Variants in TMEM63A observed in about 807,000 individuals in gnomAD.
TMEM63A encodes transmembrane protein 63A.
A neutral mutation model predicts 100.6 loss-of-function variants in TMEM63A; 76 were observed. The ratio of observed to expected loss-of-function variants is 0.76; its 90% CI spans 0.63 to 0.91. The LOEUF (loss-of-function observed/expected upper bound fraction) is 0.91. TMEM63A is among the 40% of genes least tolerant of loss of function. The probability of loss-of-function intolerance (pLI) is 0.00; values close to 1 mark genes in which losing one functional copy is unlikely to be tolerated. For synonymous variants in TMEM63A, 401 were observed against 401.1 expected (o/e 1.00, Z 0.00); for missense variants, 876 against 1,008.8 (o/e 0.87, Z 1.78).
At chr1:225,844,444 G>A (rs1668738066), downstream of TMEM63A, 6 of 1,613,338 alleles carry the variant, frequency 3.7e-6, no homozygotes, top group Middle Eastern at 1.6e-4. Context: ...GCTGCCCTTT[G>A]TCACACAACT....
intron 14 of TMEM63A, chr1:225,859,662 T>C (rs868357831): frequency 7.8e-5 from 25 of 322,374 alleles, no homozygotes; most frequent in Middle Eastern, 1.0e-3. Context: ...TTTTTTTTTT[T>C]GGAGACAGAG....
At chr1:225,856,446 G>GT (rs1214263121) in intron 17 of TMEM63A, among the ~76,000 whole-genome samples, 1 of 151,042 alleles carries the variant, frequency 6.6e-6, no homozygotes, top group Non-Finnish European at 1.5e-5. Context: ...CCAATATGGT[G>GT]TTTTTTTCTT....
At position 225,845,581 on chromosome 1, in the gene TMEM63A, A is replaced by G; in HGVS notation, c.*1358T>C. ...CTCTAAAAGCGGCTGGAACTCAGTG[A>G]CATGAGCGTGCGCTGACCCCACATG... On this transcript the variant is annotated 3_prime_UTR_variant, in exon 25 of 25. Coordinates refer to ENST00000366835, the MANE Select transcript of TMEM63A (RefSeq NM_014698.3). 1 of 589,992 alleles carries G rather than the reference A, an allele frequency of 1.7e-6. No homozygotes were observed. The highest frequency in any genetic ancestry group is 3.0e-6 in the Non-Finnish European group (1 of 331,588). 36.5% of individuals were successfully genotyped at this position (589,992 alleles called of 1,614,324 possible).
downstream of TMEM63A, among the ~76,000 whole-genome samples, chr1:225,844,249 T>G (rs1201181707): frequency 6.9e-6 from 1 of 145,460 alleles, no homozygotes; most frequent in African/African-American, 2.6e-5. Flanking sequence ...AGGGGACAGG[T>G]GTGTAGAGGC....
In TMEM63A at chr1:225,862,720, G is replaced by A. The variant is rs765585603; in HGVS notation, c.827+51C>T. The A allele has an allele frequency of 6.2e-6, 10 of 1,612,236 alleles. No homozygotes were observed. The highest frequency in any genetic ancestry group is 4.5e-5 in the East Asian group (2 of 44,830). ...GCCTCCCTTCCTAGCTGGGAGATGC[G>A]AGGCCAGCAAGGAAGGAGGGGGCAT... On this transcript the variant is annotated intron_variant, in intron 11 of 24. Coordinates refer to ENST00000366835, the MANE Select transcript of TMEM63A (RefSeq NM_014698.3). The surrounding 1 kb of genome is among the most constrained non-coding windows in gnomAD (Gnocchi z 5.1).
At chr1:225,858,688 G>T (rs564856528) in intron 15 of TMEM63A, among the ~76,000 whole-genome samples, 1 of 152,200 alleles carries the variant, frequency 6.6e-6, no homozygotes, top group African/African-American at 2.4e-5. Flanking sequence ...TTGTGATCCT[G>T]CCACCCCAAT....
intron 16 of TMEM63A, 73 bp from the exon 17 acceptor site, chr1:225,856,811 G>A (rs1669643676): frequency 1.9e-6 from 3 of 1,584,092 alleles, no homozygotes; most frequent in Admixed American, 1.8e-5. Flanking sequence ...CCCCTGCCAT[G>A]TGCCCACTGC....
downstream of TMEM63A, chr1:225,844,377 A>C (rs1338973764): frequency 2.0e-6 from 3 of 1,467,258 alleles, no homozygotes; most frequent in Non-Finnish European, 2.9e-6. Flanking sequence ...CACACGTTGC[A>C]TGAGGTCTGA....
chr1:225,842,735 C>G (rs191197284), downstream of TMEM63A, among the ~76,000 whole-genome samples: 1 of 152,182 alleles, frequency 6.6e-6, no homozygotes, highest in Non-Finnish European at 1.5e-5. Context: ...CTGAACAGGC[C>G]CCTCTGGGGA....
At position 225,853,218 on chromosome 1, in the gene TMEM63A, G is replaced by A. The variant is rs1669443512; in HGVS notation, c.1797+411C>T. 6.6e-6 allele frequency among the ~76,000 whole-genome samples: 1 copy of A among 152,198 alleles called. No homozygotes were observed. The highest frequency in any genetic ancestry group is 1.5e-5 in the Non-Finnish European group (1 of 68,034). ...CTCGCACAGTGCCCACCATGGCAGAGGAGAATAAAAGAGAAAGCCACACCC... is the reference window on the plus strand; with the variant it reads ...CTCGCACAGTGCCCACCATGGCAGAAGAGAATAAAAGAGAAAGCCACACCC... On this transcript the variant is annotated intron_variant, in intron 19 of 24. Transcript: ENST00000366835. This position sits in a 1 kb window ranked among gnomAD's most constrained non-coding sequence, Gnocchi z 4.0.
chr1:225,841,595 C>T (rs1668420839), downstream of TMEM63A, among the ~76,000 whole-genome samples: 1 of 144,098 alleles, frequency 6.9e-6, no homozygotes. Context: ...GTCCCACTGT[C>T]CCAGCCTTTT....
intron 6 of TMEM63A, among the ~76,000 whole-genome samples, chr1:225,869,750 C>A (rs1286428847): frequency 2.7e-5 from 4 of 149,420 alleles, no homozygotes; most frequent in African/African-American, 9.9e-5. Context: ...GCGACCTCCG[C>A]CTTCCGGTTT....
chr1:225,857,041 GAGAGTCACAGGGGCCGTGGGCCAC>G, intron 15 of TMEM63A, 24 bp from the exon 16 acceptor site: 1 of 1,550,348 alleles, frequency 6.5e-7, no homozygotes. Flanking sequence ...CCACAGCAGA[GAGAGTCACAGGGGCCGTGGGCCAC>G]GCGGCTCTGA....
downstream of TMEM63A, chr1:225,845,382 A>G (rs4653695): frequency 2.2e-5 from 30 of 1,353,130 alleles, no homozygotes; most frequent in Admixed American, 1.2e-4. Context: ...ACCTCCCCCC[A>G]CAAGTGCCCT....
In TMEM63A at chr1:225,867,899, CCT is replaced by C. The variant is rs1670294249; in HGVS notation, c.501_502del (p.Asp169LeufsTer8). Reference sequence around the variant, plus strand: ...AGGAGGGTCATTACCCAGCAAGTCCCCTGAGAGGTTGACAGGCAGGATGACAC... The same window carrying C: ...AGGAGGGTCATTACCCAGCAAGTCCCGAGAGGTTGACAGGCAGGATGACAC... On this transcript the variant is annotated frameshift_variant, in exon 7 of 25. Coordinates refer to ENST00000366835, the MANE Select transcript of TMEM63A (RefSeq NM_014698.3). LOFTEE classifies it high-confidence loss of function. The surrounding 1 kb of genome is among the most constrained non-coding windows in gnomAD (Gnocchi z 4.6). 3.7e-6 allele frequency: 6 copies of C among 1,613,998 alleles called. No individual in the cohort carries two copies. Among genetic ancestry groups the C allele is most frequent in the Middle Eastern group, 1.6e-4 (1 of 6,082 alleles).
At chr1:225,844,629 C>G (rs375479245), downstream of TMEM63A, 13 of 1,613,684 alleles carry the variant, frequency 8.1e-6, no homozygotes, top group African/African-American at 1.6e-4. Context: ...GAGCGGTGAG[C>G]CTGGCTGAGC....
At chr1:225,864,914 A>G (rs991162572) in intron 10 of TMEM63A, 11 of 152,320 alleles carry the variant, frequency 7.2e-5, no homozygotes, top group African/African-American at 2.7e-4. Context: ...TGAGCCCAGC[A>G]ATTCGAGACC....
Position 225,856,921 on chromosome 1 carries a change from G to C in TMEM63A, c.1474C>G (p.His492Asp). The change falls in exon 16 of 25, where the codon CAC (histidine) becomes GAC (aspartate). Residue 492 changes from histidine to aspartate, a missense_variant. His to Asp is a moderately conservative substitution (Grantham distance 81, BLOSUM62 -1). Coordinates refer to ENST00000366835, the MANE Select transcript of TMEM63A (RefSeq NM_014698.3). ...IVYYSTLLES[H>D]WTKSGENQIM... is the part of the protein sequence containing the mutation. ...CTCCCGGGCACTCACTTGGTCCAGT[G>C]AGACTCCAGCAGTGTAGAGTAGTAG... 1 of 1,611,062 alleles carries C rather than the reference G, an allele frequency of 6.2e-7. No homozygotes were observed. The highest frequency in any genetic ancestry group is 8.5e-7 in the Non-Finnish European group (1 of 1,179,114).
At chr1:225,851,310 C>T (rs1559034705) in intron 20 of TMEM63A, among the ~76,000 whole-genome samples, 1 of 152,184 alleles carries the variant, frequency 6.6e-6, no homozygotes, top group Non-Finnish European at 1.5e-5. Flanking sequence ...CACAGGAGCA[C>T]ACAGGGGACC....
Sources: gnomAD v4.1 joint callset for allele counts (sites outside exome capture counted in the v4.1 genomes callset) on GRCh38, gnomAD v4.1.1 for gene constraint, Gnocchi (gnomAD v3.1) non-coding constraint, MANE v1.5 for transcripts, NCBI Gene and HGNC (gene_info 2026-07-23, HGNC 2026-07-21) for gene names.